CTIF: variants seen among roughly 807,000 people sequenced by gnomAD.
CTIF encodes the protein CBP80/20-dependent translation initiation factor.
In CTIF, 21 loss-of-function variants were observed where a neutral mutation model predicts 66.0. The observed-to-expected ratio is 0.32, with a 90% CI of 0.23 to 0.46. The LOEUF (loss-of-function observed/expected upper bound fraction) is 0.46. CTIF is among the 20% of genes least tolerant of loss of function. The probability of loss-of-function intolerance (pLI) is 1.00; values close to 1 mark genes in which losing one functional copy is unlikely to be tolerated. For synonymous variants in CTIF, 345 were observed against 326.4 expected (o/e 1.06, Z -0.62); for missense variants, 739 against 812.7 (o/e 0.91, Z 1.10).
chr18:48,642,531 C>T (rs1423930191), intron 3 of CTIF, among the ~76,000 whole-genome samples: 1 of 152,154 alleles, frequency 6.6e-6, no homozygotes, highest in African/African-American at 2.4e-5. Context: ...TTGGGTGTTA[C>T]TCAAGTGGGG....
intron 10 of CTIF, among the ~76,000 whole-genome samples, chr18:48,834,029 T>TC (rs2068752780): frequency 7.1e-6 from 1 of 140,966 alleles, no homozygotes; most frequent in Non-Finnish European, 1.5e-5. Flanking sequence ...CCCTTCCCCC[T>TC]CCTTTCCCCT....
chr18:48,565,306 G>A (rs1029194042), intron 1 of CTIF: 1 of 152,128 alleles, frequency 6.6e-6, no homozygotes, highest in Non-Finnish European at 1.5e-5. Context: ...GCTGTCAAGG[G>A]CCTTGCCTTC....
At chr18:48,663,716 A>G (rs768129432) in intron 3 of CTIF, 36 bp from the exon 4 acceptor site, 3 of 1,595,086 alleles carry the variant, frequency 1.9e-6, no homozygotes, top group East Asian at 4.5e-5. Flanking sequence ...CTGGCCGAGC[A>G]ATTAATGTCA....
In CTIF at chr18:48,857,659, G is replaced by A. The variant is rs200579284; in HGVS notation, c.1581+18G>A. 1.1e-4 allele frequency: 182 copies of A among 1,596,218 alleles called. No individual in the cohort carries two copies. In the African/African-American group the frequency reaches 1.7e-3, roughly 15 times the overall value. On this transcript the variant is annotated intron_variant, in intron 11 of 11. Transcript: ENST00000256413. ...CTATGGAGGTAAGCTTTGGGGCTTC[G>A]ACATCCCCAACCTCAAAGCCGGTGC... is the stretch of plus-strand genomic sequence containing the variant.
chr18:48,625,449 A>G (rs1026684191), intron 2 of CTIF, among the ~76,000 whole-genome samples: 10 of 152,234 alleles, frequency 6.6e-5, no homozygotes, highest in Non-Finnish European at 1.5e-4. Flanking sequence ...ATGGTACATA[A>G]GAATTCAAAT....
At chr18:48,587,685 C>T (rs1011135390) in intron 1 of CTIF, among the ~76,000 whole-genome samples, 3 of 152,328 alleles carry the variant, frequency 2.0e-5, no homozygotes, top group African/African-American at 7.2e-5. Flanking sequence ...ACTTCCAGGT[C>T]ATTCTCAGCT....
chr18:48,721,750 T>TCCC (rs57491489), intron 7 of CTIF, among the ~76,000 whole-genome samples: 2 of 150,598 alleles, frequency 1.3e-5, no homozygotes, highest in African/African-American at 2.5e-5. Context: ...AGAACGTGCA[T>TCCC]CCCCCCCTCT....
At chr18:48,821,890 G>A (rs538232090) in intron 10 of CTIF, among the ~76,000 whole-genome samples, 31 of 152,296 alleles carry the variant, frequency 2.0e-4, no homozygotes, top group African/African-American at 7.2e-4. Context: ...ATAAAGTACA[G>A]TATTGTATCC....
At chr18:48,745,971 A>G (rs2092592953) in intron 7 of CTIF, among the ~76,000 whole-genome samples, 1 of 152,252 alleles carries the variant, frequency 6.6e-6, no homozygotes, top group Admixed American at 6.5e-5. Context: ...CCAGGATGGA[A>G]AAACAGCCCT....
intron 1 of CTIF, among the ~76,000 whole-genome samples, chr18:48,571,856 G>C (rs1413412233): frequency 6.6e-6 from 1 of 152,176 alleles, no homozygotes; most frequent in Non-Finnish European, 1.5e-5. Flanking sequence ...GAGAGAAAGA[G>C]ATTTGGAGAA....
rs530234784 is a variant in CTIF at position 48,593,485 on chromosome 18, A to G, written c.-28-26053A>G. 6.1e-4 allele frequency among the ~76,000 whole-genome samples: 91 copies of G among 147,992 alleles called. 1 individual carries two copies. The East Asian group carries it at 0.017, about 27-fold the overall frequency. ...AAGCTCTGCCTCCCGGGTTCATGCC[A>G]TTCTCCTGCCTCCGCCTCCCCGAGT... On this transcript the variant is annotated intron_variant, in intron 1 of 11. Coordinates refer to ENST00000256413, the MANE Select transcript of CTIF (RefSeq NM_014772.3).
intron 2 of CTIF, among the ~76,000 whole-genome samples, chr18:48,625,492 A>G (rs1242922625): frequency 6.6e-6 from 1 of 152,212 alleles, no homozygotes; most frequent in African/African-American, 2.4e-5. Context: ...CTACCACCTC[A>G]TTCTGCTCCC....
intron 5 of CTIF, among the ~76,000 whole-genome samples, chr18:48,668,926 A>G (rs2091479032): frequency 6.6e-6 from 1 of 151,720 alleles, no homozygotes; most frequent in Admixed American, 6.6e-5. Flanking sequence ...CCCTGTCCAG[A>G]GCCGGGCACA....
chr18:48,704,569 C>T (rs912272128), intron 6 of CTIF, among the ~76,000 whole-genome samples: 1 of 152,138 alleles, frequency 6.6e-6, no homozygotes, highest in South Asian at 2.1e-4. Context: ...ATCAAGGTGT[C>T]GGCAGGGCCA....
intron 1 of CTIF, among the ~76,000 whole-genome samples, chr18:48,576,153 G>T (rs1041421065): frequency 6.6e-6 from 1 of 152,376 alleles, no homozygotes; most frequent in South Asian, 2.1e-4. Context: ...CGAGGATGGG[G>T]CCTGTGTTTT....
At chr18:48,816,066 A>G (rs943038118) in intron 9 of CTIF, among the ~76,000 whole-genome samples, 6 of 152,212 alleles carry the variant, frequency 3.9e-5, no homozygotes, top group Non-Finnish European at 1.5e-5. Flanking sequence ...GCGTGCATGT[A>G]GATGGTGTGT....
chr18:48,710,841 G>A (rs1337050167), intron 6 of CTIF, among the ~76,000 whole-genome samples: 2 of 152,168 alleles, frequency 1.3e-5, no homozygotes, highest in Admixed American at 6.5e-5. Context: ...GCGTGGTGAT[G>A]TGTGCCTATG....
At chr18:48,813,459 C>T (rs1048176803) in intron 9 of CTIF, among the ~76,000 whole-genome samples, 4 of 152,246 alleles carry the variant, frequency 2.6e-5, no homozygotes, top group Non-Finnish European at 4.4e-5. Flanking sequence ...CCATATTGCT[C>T]TGCGCCTCCC....
At chr18:48,542,954 C>T (rs1295371393) in intron 1 of CTIF, among the ~76,000 whole-genome samples, 2 of 152,240 alleles carry the variant, frequency 1.3e-5, no homozygotes, top group Admixed American at 1.3e-4. Context: ...CCCGCCCCAG[C>T]TCAGATGTGC....
Sources: gnomAD v4.1 joint callset for allele counts (sites outside exome capture counted in the v4.1 genomes callset) on GRCh38, gnomAD v4.1.1 for gene constraint, MANE v1.5 for transcripts, NCBI Gene and HGNC (gene_info 2026-07-23, HGNC 2026-07-21) for gene names.